Variants in CLSTN1 observed in about 807,000 individuals in gnomAD.
The protein encoded by CLSTN1 is calsyntenin-1.
Under a neutral mutation model 108.3 loss-of-function variants are expected in CLSTN1, and 28 were observed. That is an observed-to-expected ratio of 0.26 (90% CI 0.19 to 0.35). CLSTN1 has a LOEUF of 0.35. Ranked by LOEUF, CLSTN1 falls within the 10% of genes least tolerant of loss-of-function variation. The probability of loss-of-function intolerance (pLI) is 1.00; values close to 1 mark genes in which losing one functional copy is unlikely to be tolerated. For missense variants in CLSTN1, 1,157 were observed against 1,302.6 expected (o/e 0.89, Z 1.72); for synonymous variants, 524 against 534.9 (o/e 0.98, Z 0.28).
chr1:9,761,761 G>A (rs775219081), intron 2 of CLSTN1, among the ~76,000 whole-genome samples: 5 of 152,148 alleles, frequency 3.3e-5, no homozygotes, highest in African/African-American at 4.8e-5. Flanking sequence ...CCAGCTCTCA[G>A]GGGACCCTGC....
intron 7 of CLSTN1, among the ~76,000 whole-genome samples, chr1:9,745,765 GTTTTTTTTTTT>G (rs778360021): frequency 2.2e-4 from 22 of 100,910 alleles, no homozygotes; most frequent in African/African-American, 7.6e-4. Context: ...CTGAATAGTT[GTTTTTTTTTTT>G]TTTTTTTTTT....
chr1:9,765,230 C>A (rs1204676702), intron 2 of CLSTN1, among the ~76,000 whole-genome samples: 1 of 151,804 alleles, frequency 6.6e-6, no homozygotes, highest in East Asian at 1.9e-4. Context: ...ACTAAAAATA[C>A]AAAATTAGCC....
chr1:9,808,598 A>G (rs1654604047), intron 1 of CLSTN1, among the ~76,000 whole-genome samples: 1 of 152,176 alleles, frequency 6.6e-6, no homozygotes, highest in East Asian at 1.9e-4. Flanking sequence ...AGTAATTACT[A>G]GACGATCCCA....
chr1:9,734,080 C>G lies in CLSTN1; in HGVS notation c.2173G>C (p.Glu725Gln), dbSNP rs1650551882. 6.2e-7 allele frequency: 1 copy of G among 1,614,216 alleles called. No homozygotes were observed. The change falls in exon 15 of 19, where the codon GAG becomes CAG. Residue 725 changes from glutamate to glutamine, a missense_variant. Transcript: ENST00000377298. This position sits in a 1 kb window ranked among gnomAD's most constrained non-coding sequence, Gnocchi z 4.8. ...TGCTCGTGGTTCAGCTCCTCTCCCT[C>G]CACCGTGACCTCACAGGTATCCAGG... is the stretch of plus-strand genomic sequence containing the variant. Reference protein sequence around the residue: ...HDLDTCEVTVEGEELNHEQES... With the variant: ...HDLDTCEVTVQGEELNHEQES...
intron 2 of CLSTN1, among the ~76,000 whole-genome samples, chr1:9,770,769 G>T (rs1001305890): frequency 1.3e-5 from 2 of 152,160 alleles, no homozygotes; most frequent in South Asian, 4.1e-4. Flanking sequence ...CAAGGCAGGC[G>T]CATCACCTGA....
intron 2 of CLSTN1, among the ~76,000 whole-genome samples, chr1:9,771,740 T>G (rs1652693141): frequency 6.6e-6 from 1 of 152,086 alleles, no homozygotes; most frequent in South Asian, 2.1e-4. Flanking sequence ...TCTCTGAAAA[T>G]TAATAAACAC....
At chr1:9,814,247 CAAA>C (rs558624346) in intron 1 of CLSTN1, among the ~76,000 whole-genome samples, 3 of 94,920 alleles carry the variant, frequency 3.2e-5, no homozygotes, top group Non-Finnish European at 4.5e-5. Context: ...CCATCTCTAC[CAAA>C]AAAAAAAAAA....
chr1:9,760,587 G>C (rs1185728359), intron 2 of CLSTN1, among the ~76,000 whole-genome samples: 1 of 151,990 alleles, frequency 6.6e-6, no homozygotes, highest in South Asian at 2.1e-4. Context: ...GGATTTTTAG[G>C]GGAATAGATG....
chr1:9,820,515 T>C (rs927749310), intron 1 of CLSTN1, among the ~76,000 whole-genome samples: 1 of 151,950 alleles, frequency 6.6e-6, no homozygotes, highest in African/African-American at 2.4e-5. Context: ...TGAGACTCTG[T>C]CACAAAAACA....
chr1:9,772,514 C>T (rs1652741515), intron 2 of CLSTN1, among the ~76,000 whole-genome samples: 1 of 152,104 alleles, frequency 6.6e-6, no homozygotes, highest in Non-Finnish European at 1.5e-5. Flanking sequence ...GAAAACAACT[C>T]TTAAAAATTA....
At position 9,823,683 on chromosome 1, in the gene CLSTN1, CAGCAGCAGCCGG is replaced by C; in HGVS notation, c.39_50del (p.Arg14_Leu17del). 8.6e-7 allele frequency: 1 copy of C among 1,164,944 alleles called. No homozygotes were observed. The highest frequency in any genetic ancestry group is 1.1e-6 in the Non-Finnish European group (1 of 944,352). The allele number at this position is 1,164,944 out of a possible 1,614,324, so 72.2% of individuals were successfully genotyped here. On this transcript the variant is annotated inframe_deletion, in exon 1 of 19. Coordinates refer to ENST00000377298, the MANE Select transcript of CLSTN1 (RefSeq NM_001009566.3). The surrounding 1 kb of genome is among the most constrained non-coding windows in gnomAD (Gnocchi z 6.3). Reference sequence around the variant, plus strand: ...CCCCGCCGCCGCACAGCAGCCCGGCCAGCAGCAGCCGGGCGGCCGGGGCCAGCGCGGGAGCGG... The same window carrying C: ...CCCCGCCGCCGCACAGCAGCCCGGCCGCGGCCGGGGCCAGCGCGGGAGCGG...
chr1:9,743,950 G>A lies in CLSTN1; in HGVS notation c.1290C>T (p.Leu430=), dbSNP rs1383105875. ...TCTCCTCAGAAGGATCCTGACGGAA[G>A]AGGAAGATCAGCCGGCACCCGTGGA... ...LYVHGCRLIF[L]FRQDPSEEKK... The change falls in exon 9 of 19, where the codon CTC becomes CTT. Residue 430 remains leucine (L), a synonymous_variant. Transcript: ENST00000377298. 1 of 1,614,088 alleles carries A rather than the reference G, an allele frequency of 6.2e-7. No homozygotes were observed.
At chr1:9,731,145 C>T (rs955016164) in intron 18 of CLSTN1, 61 bp downstream of exon 18, 4 of 1,599,230 alleles carry the variant, frequency 2.5e-6, no homozygotes, top group Non-Finnish European at 3.4e-6. Context: ...GCCGTACCGG[C>T]TTCTCGGAGG....
intron 4 of CLSTN1, among the ~76,000 whole-genome samples, chr1:9,753,767 A>T (rs965332913): frequency 1.3e-5 from 2 of 152,100 alleles, no homozygotes; most frequent in African/African-American, 4.8e-5. Context: ...TCGGCCTCCC[A>T]AAGTGCTGGG....
At chr1:9,759,196 C>A (rs1025703376) in intron 2 of CLSTN1, among the ~76,000 whole-genome samples, 5 of 152,132 alleles carry the variant, frequency 3.3e-5, no homozygotes, top group African/African-American at 1.2e-4. Context: ...TTTTGAAGAG[C>A]CCACACACTA....
intron 1 of CLSTN1, among the ~76,000 whole-genome samples, chr1:9,805,398 A>C (rs960880973): frequency 6.6e-6 from 1 of 152,168 alleles, no homozygotes. Context: ...CTCTTTCCCA[A>C]CTATATCTGT....
chr1:9,775,060 G>A (rs182046314), intron 1 of CLSTN1, among the ~76,000 whole-genome samples: 2 of 152,246 alleles, frequency 1.3e-5, no homozygotes, highest in East Asian at 1.9e-4. Context: ...CAGTGAGGAC[G>A]ACCAGAAGTC....
chr1:9,821,074 G>A (rs1469752579), intron 1 of CLSTN1, among the ~76,000 whole-genome samples: 2 of 152,186 alleles, frequency 1.3e-5, no homozygotes, highest in African/African-American at 4.8e-5. Context: ...GAAGAAGGCA[G>A]GTAGCTGAAG....
At position 9,734,226 on chromosome 1, in the gene CLSTN1, A is replaced by C; in HGVS notation, c.2111-84T>G. 1 of 1,368,798 alleles carries C rather than the reference A, an allele frequency of 7.3e-7. No individual in the cohort carries two copies. Among genetic ancestry groups the C allele is most frequent in the Non-Finnish European group, 1.0e-6 (1 of 981,682 alleles). The allele number at this position is 1,368,798 out of a possible 1,614,324, so 84.8% of individuals were successfully genotyped here. A position where few individuals can be genotyped will look rare whatever the true frequency, so the allele number is the denominator to read the frequency against. ...GGCACACTGGATGCCCTGCCGGCTC[A>C]CCCCAAACCTACATGGCTCTCGTAA... On this transcript the variant is annotated intron_variant, in intron 14 of 18. Transcript: ENST00000377298. This position sits in a 1 kb window ranked among gnomAD's most constrained non-coding sequence, Gnocchi z 4.8.
Sources: allele counts gnomAD v4.1 joint callset (sites outside exome capture counted in the v4.1 genomes callset), GRCh38; gene constraint gnomAD v4.1.1; non-coding constraint Gnocchi (gnomAD v3.1); transcripts MANE v1.5; gene names NCBI Gene and HGNC (gene_info 2026-07-23, HGNC 2026-07-21).